IGF2R: variants seen among roughly 807,000 people sequenced by gnomAD.
IGF2R encodes insulin like growth factor 2 receptor, also known as cation-independent mannose-6-phosphate receptor.
IGF2R carries 91 observed loss-of-function variants against 270.6 expected under a neutral mutation model. The ratio of observed to expected loss-of-function variants is 0.34; its 90% CI spans 0.28 to 0.40. IGF2R has a LOEUF of 0.40. Ranked by LOEUF, IGF2R falls within the 10% of genes least tolerant of loss-of-function variation. The probability of loss-of-function intolerance (pLI) is 1.00; values close to 1 mark genes in which losing one functional copy is unlikely to be tolerated. For missense variants in IGF2R, 2,805 were observed against 3,188.3 expected (o/e 0.88, Z 2.90); for synonymous variants, 1,316 against 1,258.9 (o/e 1.05, Z -0.96).
At chr6:160,061,682 C>G (rs1778442221) in intron 24 of IGF2R, 36 bp downstream of exon 24, 5 of 1,613,644 alleles carry the variant, frequency 3.1e-6, no homozygotes, top group Non-Finnish European at 4.2e-6. Context: ...GGCGTCTGTT[C>G]ATTTTATTAG....
chr6:160,110,397 C>T lies in IGF2R; in HGVS notation c.*5313C>T, dbSNP rs1014672952. Reference sequence around the variant, plus strand: ...AACACAGTGAGACGTTGCCTCACACCTGCCAGAATGGCTACTGTCAGACGA... The same window carrying T: ...AACACAGTGAGACGTTGCCTCACACTTGCCAGAATGGCTACTGTCAGACGA... On this transcript the variant is annotated 3_prime_UTR_variant, in exon 48 of 48. Coordinates refer to ENST00000356956, the MANE Select transcript of IGF2R (RefSeq NM_000876.4). The T allele has an allele frequency of 6.6e-6, 1 of 152,244 alleles. No homozygotes were observed. The highest frequency in any genetic ancestry group is 2.4e-5 in the African/African-American group (1 of 41,452). 9.4% of individuals were successfully genotyped at this position (152,244 alleles called of 1,614,324 possible).
chr6:160,099,224 GA>G (rs940555390), intron 45 of IGF2R, among the ~76,000 whole-genome samples: 7 of 152,182 alleles, frequency 4.6e-5, no homozygotes, highest in Admixed American at 2.0e-4. Flanking sequence ...AATAATTCAA[GA>G]AAGGTTAAAA....
chr6:160,057,777 C>A (rs1778345477), intron 20 of IGF2R, among the ~76,000 whole-genome samples: 1 of 152,224 alleles, frequency 6.6e-6, no homozygotes, highest in South Asian at 2.1e-4. Context: ...TAGGGAAATG[C>A]AGTAGCCTTA....
intron 5 of IGF2R, among the ~76,000 whole-genome samples, chr6:160,026,200 T>C: frequency 6.6e-6 from 1 of 152,344 alleles, no homozygotes; most frequent in Admixed American, 6.5e-5. Flanking sequence ...GCAAGGAGCC[T>C]ATGGCACAGC....
chr6:160,010,673 T>A lies in IGF2R; in HGVS notation c.415-14T>A, dbSNP rs765929352. 1.5e-6 allele frequency: 2 copies of A among 1,348,438 alleles called. No individual in the cohort carries two copies. The highest frequency in any genetic ancestry group is 2.1e-6 in the Non-Finnish European group (2 of 950,302). The allele number at this position is 1,348,438 out of a possible 1,614,324, so 83.5% of individuals were successfully genotyped here. A position where few individuals can be genotyped will look rare whatever the true frequency, so the allele number is the denominator to read the frequency against. On this transcript the variant is annotated splice_polypyrimidine_tract_variant and intron_variant, in intron 3 of 47. Coordinates refer to ENST00000356956, the MANE Select transcript of IGF2R (RefSeq NM_000876.4). Reference sequence around the variant, plus strand: ...TGGTATGGTAACATTATAATTACTATTTTTTTTTAATAGGGAACTCCTGAA... The same window carrying A: ...TGGTATGGTAACATTATAATTACTAATTTTTTTTAATAGGGAACTCCTGAA...
intron 16 of IGF2R, among the ~76,000 whole-genome samples, 154 bp downstream of exon 16, chr6:160,047,490 G>C (rs539692706): frequency 6.6e-6 from 1 of 152,226 alleles, no homozygotes; most frequent in East Asian, 1.9e-4. Flanking sequence ...AGTATTTTAA[G>C]CTGTTTATTT....
At chr6:160,042,362 C>T (rs976183980) in intron 11 of IGF2R, among the ~76,000 whole-genome samples, 2 of 152,176 alleles carry the variant, frequency 1.3e-5, no homozygotes, top group African/African-American at 2.4e-5. Flanking sequence ...GGGGTTTTGC[C>T]TTCCAAACCC....
At chr6:160,049,123 A>G (rs1778137775) in intron 18 of IGF2R, among the ~76,000 whole-genome samples, 1 of 152,160 alleles carries the variant, frequency 6.6e-6, no homozygotes, top group South Asian at 2.1e-4. Flanking sequence ...TTCTTGGTGT[A>G]TGCTAATGGC....
Position 160,111,428 on chromosome 6 carries a change from TCTC to T in IGF2R, c.*6348_*6350del, listed in dbSNP as rs1021044643. 8 of 152,240 alleles carry T rather than the reference TCTC, an allele frequency of 5.3e-5. No homozygotes were observed. The highest frequency in any genetic ancestry group is 3.3e-4 in the Admixed American group (5 of 15,278). The allele number at this position is 152,240 out of a possible 1,614,324, so 9.4% of individuals were successfully genotyped here. ...CACTTAATATATAATAAATATATTT[TCTC>T]CTCATGATTTTCTTAAAACTTTTTC... On this transcript the variant is annotated 3_prime_UTR_variant, in exon 48 of 48. Coordinates refer to ENST00000356956, the MANE Select transcript of IGF2R (RefSeq NM_000876.4).
intron 37 of IGF2R, 135 bp from the exon 38 acceptor site, chr6:160,079,445 C>T: frequency 1.8e-6 from 1 of 545,628 alleles, no homozygotes; most frequent in Non-Finnish European, 2.8e-6. Context: ...GATTGCGTGG[C>T]TCTGATGCAC....
intron 2 of IGF2R, chr6:160,005,071 G>A (rs998797271): frequency 3.3e-5 from 5 of 152,298 alleles, no homozygotes; most frequent in African/African-American, 1.2e-4. Flanking sequence ...CCGCTCCTCA[G>A]TCCAGCGCTT....
rs141006192 is a variant in IGF2R, at chr6:160,047,896, C to T, written c.2334C>T (p.Tyr778=). ...VVTDPSTLEQ[Y]DLSSLAKSEG... ...CCGACCCCTCCACGCTGGAGCAGTA[C>T]GACCTCTCCAGGTGAGGCAGAGTCA... Residue 778 remains tyrosine, a synonymous_variant, in exon 17 of 48, where the codon TAC becomes TAT. Coordinates refer to ENST00000356956, the MANE Select transcript of IGF2R (RefSeq NM_000876.4). 9.5e-5 allele frequency: 152 copies of T among 1,607,176 alleles called. No individual in the cohort carries two copies. The highest frequency in any genetic ancestry group is 7.2e-4 in the Admixed American group (43 of 59,994).
chr6:160,076,651 A>C (rs760399726), intron 36 of IGF2R, among the ~76,000 whole-genome samples: 3 of 152,196 alleles, frequency 2.0e-5, no homozygotes, highest in Non-Finnish European at 4.4e-5. Context: ...GCACAGGGGA[A>C]CAGCTCTTTG....
intron 45 of IGF2R, among the ~76,000 whole-genome samples, chr6:160,100,619 A>G (rs1482941259): frequency 6.6e-6 from 1 of 152,080 alleles, no homozygotes; most frequent in Non-Finnish European, 1.5e-5. Context: ...CATGCGCAGA[A>G]CACTGTTCCC....
intron 14 of IGF2R, among the ~76,000 whole-genome samples, 178 bp from the exon 15 acceptor site, chr6:160,046,320 T>C (rs1459848046): frequency 2.0e-5 from 3 of 152,038 alleles, no homozygotes; most frequent in Non-Finnish European, 4.4e-5. Flanking sequence ...CCAAGGAAAA[T>C]GTTAGTAATC....
chr6:160,064,336 T>G, intron 27 of IGF2R, 65 bp from the exon 28 acceptor site: 2 of 1,593,846 alleles, frequency 1.3e-6, no homozygotes, highest in South Asian at 1.1e-5. Flanking sequence ...GTCACATGTC[T>G]TAGGCTAAGT....
intron 36 of IGF2R, among the ~76,000 whole-genome samples, chr6:160,076,934 C>G (rs1479688109): frequency 2.0e-5 from 3 of 152,166 alleles, no homozygotes; most frequent in African/African-American, 7.2e-5. Context: ...GGATTAGGAT[C>G]TGTTGGGTGT....
intron 1 of IGF2R, among the ~76,000 whole-genome samples, chr6:159,989,174 G>A (rs139880112): frequency 9.8e-5 from 15 of 152,318 alleles, no homozygotes; most frequent in African/African-American, 2.9e-4. Context: ...AGGCCTATGT[G>A]TGCGGTTTGG....
At chr6:160,074,372 A>G (rs775649431) in intron 35 of IGF2R, among the ~76,000 whole-genome samples, 9 of 152,268 alleles carry the variant, frequency 5.9e-5, no homozygotes, top group Non-Finnish European at 1.3e-4. Context: ...TTTCTTTGGC[A>G]AGGAGTTATA....
Sources: allele counts gnomAD v4.1 joint callset (sites outside exome capture counted in the v4.1 genomes callset), GRCh38; gene constraint gnomAD v4.1.1; transcripts MANE v1.5; gene names NCBI Gene and HGNC (gene_info 2026-07-23, HGNC 2026-07-21).